The following NUP153 variants were observed in gnomAD, a reference collection of about 807,000 sequenced individuals.
NUP153 encodes nuclear pore complex protein Nup153.
A neutral mutation model predicts 134.6 loss-of-function variants in NUP153; 27 were observed. The observed-to-expected ratio is 0.20, with a 90% CI of 0.15 to 0.28. NUP153 has a LOEUF of 0.28. NUP153 is among the 10% of genes least tolerant of loss of function. The pLI is 1.00. For synonymous variants in NUP153, 640 were observed against 623.5 expected (o/e 1.03, Z -0.40); for missense variants, 1,821 against 1,731.3 (o/e 1.05, Z -0.92).
chr6:17,637,726 C>G lies in NUP153; in HGVS notation c.1891G>C (p.Ala631Pro). 6.2e-7 allele frequency: 1 copy of G among 1,605,926 alleles called. No homozygotes were observed. The highest frequency in any genetic ancestry group is 8.5e-7 in the Non-Finnish European group (1 of 1,179,898). The change falls in exon 16 of 22, where the codon GCA (alanine) becomes CCA (proline). Residue 631 changes from alanine to proline, a missense_variant. Physicochemically the swap from Ala to Pro is conservative, Grantham distance 27. Transcript: ENST00000262077. ...CTTGTATAAACTACTGGGCTTGTTG[C>G]GGTGGGCTGAGCAGCAACAGAATCT... The part of the protein sequence containing the change: ...KIDSVAAQPT[A>P]TSPVVYTRPA...
chr6:17,691,939 T>A (rs1769301932), intron 1 of NUP153, among the ~76,000 whole-genome samples: 1 of 152,146 alleles, frequency 6.6e-6, no homozygotes. Context: ...TAGCCAGGAC[T>A]ACAGGCCGAC....
chr6:17,652,060 A>T, intron 11 of NUP153: 1 of 378,184 alleles, frequency 2.6e-6, no homozygotes, highest in Non-Finnish European at 4.7e-6. Flanking sequence ...AAAAATAAAT[A>T]AATAAATAAA....
chr6:17,646,048 G>T lies in NUP153; in HGVS notation c.1720+19C>A. On this transcript the variant is annotated intron_variant, in intron 14 of 21. Coordinates refer to ENST00000262077, the MANE Select transcript of NUP153 (RefSeq NM_005124.4). ...TATGCAATTGTTTGTATGTTAAAATGTAAGAAATTTTTACTTACCTGAACT... is the reference window on the plus strand; with the variant it reads ...TATGCAATTGTTTGTATGTTAAAATTTAAGAAATTTTTACTTACCTGAACT... 8.6e-7 allele frequency: 1 copy of T among 1,164,692 alleles called. No individual in the cohort carries two copies. Among genetic ancestry groups the T allele is most frequent in the Non-Finnish European group, 1.3e-6 (1 of 787,504 alleles). 72.1% of individuals were successfully genotyped at this position (1,164,692 alleles called of 1,614,324 possible).
At chr6:17,697,121 T>C (rs530487086) in intron 1 of NUP153, among the ~76,000 whole-genome samples, 11 of 152,080 alleles carry the variant, frequency 7.2e-5, no homozygotes, top group African/African-American at 2.7e-4. Context: ...TAAAGCAAAG[T>C]CCACACTTCA....
intron 14 of NUP153, among the ~76,000 whole-genome samples, chr6:17,645,728 C>T (rs910974282): frequency 6.6e-6 from 1 of 152,162 alleles, no homozygotes; most frequent in African/African-American, 2.4e-5. Context: ...TCTACTACAA[C>T]TATAATGTAG....
At chr6:17,687,977 G>A (rs776858845) in intron 2 of NUP153, among the ~76,000 whole-genome samples, 3 of 152,016 alleles carry the variant, frequency 2.0e-5, no homozygotes, top group Non-Finnish European at 4.4e-5. Flanking sequence ...AAATTAGCTA[G>A]GTGTGGTGGC....
At chr6:17,693,578 G>A (rs1769422361) in intron 1 of NUP153, among the ~76,000 whole-genome samples, 1 of 152,132 alleles carries the variant, frequency 6.6e-6, no homozygotes, top group South Asian at 2.1e-4. Flanking sequence ...TCTCTAAGTA[G>A]ACCCTTCTTA....
intron 14 of NUP153, among the ~76,000 whole-genome samples, chr6:17,643,825 G>T (rs73722994): frequency 6.6e-6 from 1 of 152,132 alleles, no homozygotes; most frequent in African/African-American, 2.4e-5. Flanking sequence ...ATGAAACAAA[G>T]TTGTTGTAAC....
chr6:17,623,357 C>CCA lies in NUP153; in HGVS notation c.4174+1203_4174+1204insTG, dbSNP rs1491310393. On this transcript the variant is annotated intron_variant, in intron 20 of 21. Coordinates refer to ENST00000262077, the MANE Select transcript of NUP153 (RefSeq NM_005124.4). Reference sequence around the variant, plus strand: ...CGCAAAAGCCAAACTGAAAAATGGCCAAAAAAAAAAAAAAAAAAACCTTTT... The same window carrying CCA: ...CGCAAAAGCCAAACTGAAAAATGGCCCAAAAAAAAAAAAAAAAAAAACCTTTT... 1.6e-3 allele frequency among the ~76,000 whole-genome samples: 133 copies of CCA among 81,950 alleles called. 1 individual carries two copies. The highest frequency in any genetic ancestry group is 5.7e-3 in the African/African-American group (120 of 21,158). The allele number at this position is 81,950 out of a possible 152,430, so 53.8% of individuals were successfully genotyped here. A position where few individuals can be genotyped will look rare whatever the true frequency, so the allele number is the denominator to read the frequency against.
chr6:17,678,735 G>C (rs1768390453), intron 2 of NUP153, among the ~76,000 whole-genome samples: 2 of 152,132 alleles, frequency 1.3e-5, no homozygotes. Context: ...CTTGAGCCCA[G>C]GAGTTCGAGA....
intron 17 of NUP153, among the ~76,000 whole-genome samples, chr6:17,630,491 C>G (rs1487469288): frequency 6.6e-6 from 1 of 152,046 alleles, no homozygotes; most frequent in African/African-American, 2.4e-5. Flanking sequence ...GAAACCCCAT[C>G]TCTACTAAAA....
intron 15 of NUP153, 118 bp from the exon 16 acceptor site, chr6:17,637,888 T>G: frequency 5.4e-6 from 6 of 1,101,738 alleles, no homozygotes; most frequent in Non-Finnish European, 7.5e-6. Context: ...CAATCCAAGA[T>G]GAACTACTTA....
chr6:17,669,259 A>G (rs781306147), intron 7 of NUP153, 34 bp downstream of exon 7: 1 of 1,577,440 alleles, frequency 6.3e-7, no homozygotes, highest in Non-Finnish European at 8.7e-7. Flanking sequence ...TTGTATGAAC[A>G]ATATTTTGTA....
intron 1 of NUP153, among the ~76,000 whole-genome samples, chr6:17,695,946 T>G (rs957426181): frequency 6.6e-6 from 1 of 152,104 alleles, no homozygotes; most frequent in African/African-American, 2.4e-5. Context: ...AAGGCGGAGC[T>G]TGCAGTGAGC....
chr6:17,639,843 G>T (rs1034532976), intron 15 of NUP153, 96 bp downstream of exon 15: 2 of 1,130,480 alleles, frequency 1.8e-6, no homozygotes, highest in Non-Finnish European at 2.4e-6. Flanking sequence ...TACCAAACTA[G>T]TCAGAAATTT....
intron 12 of NUP153, 91 bp from the exon 13 acceptor site, chr6:17,647,996 A>G (rs1266060643): frequency 1.3e-6 from 1 of 753,488 alleles, no homozygotes; most frequent in African/African-American, 1.8e-5. Flanking sequence ...TGATTATTCC[A>G]AAGACACTAA....
At chr6:17,654,032 T>C (rs776027271) in intron 11 of NUP153, among the ~76,000 whole-genome samples, 3 of 152,236 alleles carry the variant, frequency 2.0e-5, no homozygotes, top group African/African-American at 7.2e-5. Flanking sequence ...AGGTAAATTT[T>C]TCTTTTTTGA....
At position 17,686,312 on chromosome 6, in the gene NUP153, G is replaced by A. The variant is rs116186524; in HGVS notation, c.334+2084C>T. 6.7e-4 allele frequency among the ~76,000 whole-genome samples: 102 copies of A among 152,208 alleles called. 1 individual carries two copies. The highest frequency in any genetic ancestry group is 2.2e-3 in the African/African-American group (92 of 41,538). ...GTATCCAGTGCGACAAGATGTGGGG[G>A]TAGAAAGCCATGATATAGCTGATAC... On this transcript the variant is annotated intron_variant, in intron 2 of 21. Transcript: ENST00000262077.
Position 17,698,940 on chromosome 6 carries a change from C to G in NUP153, c.111+7337G>C, listed in dbSNP as rs182029332. ...CTCACTAAAAGTTACCTACAAGATACTATCACACTTTTTCTCAGGTAACAT... is the reference window on the plus strand; with the variant it reads ...CTCACTAAAAGTTACCTACAAGATAGTATCACACTTTTTCTCAGGTAACAT... On this transcript the variant is annotated intron_variant, in intron 1 of 21. Transcript: ENST00000262077. Among the ~76,000 whole-genome samples the G allele has an allele frequency of 2.0e-5, 3 of 151,234 alleles. No homozygotes were observed. In the East Asian group the frequency reaches 5.8e-4, roughly 29 times the overall value.
Sources: allele counts gnomAD v4.1 joint callset (sites outside exome capture counted in the v4.1 genomes callset), GRCh38; gene constraint gnomAD v4.1.1; transcripts MANE v1.5; gene names NCBI Gene and HGNC (gene_info 2026-07-23, HGNC 2026-07-21).